The following KCNK2 variants were observed in gnomAD, a reference collection of about 807,000 sequenced individuals.
KCNK2 encodes potassium channel subfamily K member 2.
KCNK2 carries 21 observed loss-of-function variants against 40.5 expected under a neutral mutation model. The observed-to-expected ratio is 0.52, with a 90% CI of 0.37 to 0.75. The LOEUF (loss-of-function observed/expected upper bound fraction) is 0.75, where lower values mean the gene tolerates loss of function less well. KCNK2 is among the 30% of genes least tolerant of loss of function. The pLI is 0.00. For missense variants in KCNK2, 399 were observed against 531.6 expected (o/e 0.75, Z 2.45); for synonymous variants, 191 against 202.2 (o/e 0.94, Z 0.47).
intron 2 of KCNK2, among the ~76,000 whole-genome samples, chr1:215,108,085 C>T (rs1262774073): frequency 1.3e-5 from 2 of 152,014 alleles, no homozygotes; most frequent in South Asian, 4.1e-4. Flanking sequence ...ATTATAGATC[C>T]CTCGCATGTA....
At chr1:215,017,253 G>T (rs961655819) in intron 1 of KCNK2, among the ~76,000 whole-genome samples, 7 of 151,994 alleles carry the variant, frequency 4.6e-5, no homozygotes, top group Non-Finnish European at 8.8e-5. Context: ...ATATCCCAAA[G>T]AAAGAAAATC....
chr1:215,084,540 T>C (rs1302362672), intron 1 of KCNK2, among the ~76,000 whole-genome samples: 1 of 152,144 alleles, frequency 6.6e-6, no homozygotes, highest in Non-Finnish European at 1.5e-5. Flanking sequence ...AGCTAGGAGG[T>C]TGTGGGGAGT....
intron 5 of KCNK2, among the ~76,000 whole-genome samples, chr1:215,186,884 G>C (rs1664460739): frequency 6.6e-6 from 1 of 152,214 alleles, no homozygotes; most frequent in African/African-American, 2.4e-5. Context: ...CTGTTGCTAA[G>C]AGTGGCAAGT....
chr1:215,082,827 C>A lies in KCNK2; in HGVS notation c.-559C>A, dbSNP rs1414598357. Among the ~76,000 whole-genome samples, 2 of 152,100 alleles carry A rather than the reference C, an allele frequency of 1.3e-5. No individual in the cohort carries two copies. Among genetic ancestry groups the A allele is most frequent in the East Asian group, 3.9e-4 (2 of 5,096 alleles). On this transcript the variant is annotated 5_prime_UTR_variant, in exon 1 of 7. Transcript: ENST00000444842. ...GCGGGCGCCCGGACCGTGCCACACA[C>A]CCCCCGCGGGGCACGGAGGGCATTG...
chr1:215,070,114 T>C (rs1221174454), intron 1 of KCNK2, among the ~76,000 whole-genome samples: 2 of 151,984 alleles, frequency 1.3e-5, no homozygotes, highest in Non-Finnish European at 2.9e-5. Flanking sequence ...GTAATTTATA[T>C]AGGAAACAGG....
intron 1 of KCNK2, among the ~76,000 whole-genome samples, chr1:215,049,193 T>C (rs534195312): frequency 3.3e-5 from 5 of 152,342 alleles, no homozygotes; most frequent in Admixed American, 3.3e-4. Flanking sequence ...CTGATAGATA[T>C]ATAGTGGTAA....
intron 3 of KCNK2, among the ~76,000 whole-genome samples, chr1:215,150,578 TACA>T (rs1355866974): frequency 6.6e-6 from 1 of 152,166 alleles, no homozygotes; most frequent in Admixed American, 6.5e-5. Flanking sequence ...GCATATAACT[TACA>T]ACGATTACTT....
At chr1:215,166,391 C>G (rs1430485702) in intron 3 of KCNK2, among the ~76,000 whole-genome samples, 2 of 152,022 alleles carry the variant, frequency 1.3e-5, no homozygotes, top group African/African-American at 4.8e-5. Flanking sequence ...AAATTAAAAG[C>G]AGAAATGGGT....
At chr1:215,088,577 A>G (rs965846783) in intron 2 of KCNK2, among the ~76,000 whole-genome samples, 1 of 107,498 alleles carries the variant, frequency 9.3e-6, no homozygotes, top group Non-Finnish European at 2.1e-5. Context: ...CAGGACAGGA[A>G]AAAAAAAAAA....
chr1:215,225,222 TG>T (rs55750248), intron 6 of KCNK2, among the ~76,000 whole-genome samples: 34,477 of 152,120 alleles, frequency 0.23, 4,489 homozygotes, highest in African/African-American at 0.36. Flanking sequence ...TGTAATCAGT[TG>T]GTAAAAATGC....
chr1:215,066,199 G>A (rs1658534672), intron 1 of KCNK2, among the ~76,000 whole-genome samples: 1 of 152,028 alleles, frequency 6.6e-6, no homozygotes, highest in South Asian at 2.1e-4. Context: ...CACCACTATG[G>A]CACGTGTATA....
Position 215,024,517 on chromosome 1 carries a change from A to G in KCNK2, c.34+18562A>G, listed in dbSNP as rs1656928304. Among the ~76,000 whole-genome samples the G allele has an allele frequency of 2.6e-5, 4 of 152,330 alleles. No individual in the cohort carries two copies. The South Asian group carries it at 8.3e-4, about 32-fold the overall frequency. ...AAAAACACTTCCTCTAGCCCAGGTT[A>G]TTGAAGGAGTAGGCTTAAAGATGTC... On this transcript the variant is annotated intron_variant, in intron 1 of 6. Transcript: ENST00000391895.
At chr1:215,222,654 C>A (rs947251777) in intron 6 of KCNK2, among the ~76,000 whole-genome samples, 1 of 151,414 alleles carries the variant, frequency 6.6e-6, no homozygotes, top group Non-Finnish European at 1.5e-5. Flanking sequence ...ATGAATATTA[C>A]ATATACTTCT....
At chr1:215,223,038 T>G (rs1352172578) in intron 6 of KCNK2, among the ~76,000 whole-genome samples, 2 of 151,784 alleles carry the variant, frequency 1.3e-5, no homozygotes, top group African/African-American at 4.8e-5. Flanking sequence ...AAATACCACC[T>G]CCAAAAGGGA....
chr1:215,065,934 C>T lies in KCNK2; in HGVS notation c.35-20434C>T, dbSNP rs548793938. ...TTGCTTGAGCCTAGAAGTTTGAGTC[C>T]AGCCTGGGCAACATGGTAAGACTGT... is the stretch of plus-strand genomic sequence containing the variant. On this transcript the variant is annotated intron_variant, in intron 1 of 6. Transcript: ENST00000391895. Among the ~76,000 whole-genome samples the T allele has an allele frequency of 9.2e-4, 140 of 152,188 alleles. 1 individual carries two copies. Among genetic ancestry groups the T allele is most frequent in the African/African-American group, 3.3e-3 (137 of 41,524 alleles).
At chr1:215,166,867 A>G (rs1663469484) in intron 3 of KCNK2, among the ~76,000 whole-genome samples, 1 of 152,126 alleles carries the variant, frequency 6.6e-6, no homozygotes, top group Non-Finnish European at 1.5e-5. Context: ...AAGTAAAGAA[A>G]GTGTAGGATT....
chr1:215,150,876 C>T (rs750135203), intron 3 of KCNK2, among the ~76,000 whole-genome samples: 2 of 151,670 alleles, frequency 1.3e-5, no homozygotes, highest in African/African-American at 2.4e-5. Flanking sequence ...ATTATACCTG[C>T]TAGAACTTTC....
chr1:215,202,702 T>C (rs1665130643), intron 6 of KCNK2, among the ~76,000 whole-genome samples: 1 of 152,188 alleles, frequency 6.6e-6, no homozygotes, highest in South Asian at 2.1e-4. Context: ...ACATTGTAAG[T>C]TATTTCCCTT....
intron 6 of KCNK2, among the ~76,000 whole-genome samples, chr1:215,214,182 A>G (rs1665861413): frequency 6.6e-6 from 1 of 152,182 alleles, no homozygotes; most frequent in Non-Finnish European, 1.5e-5. Flanking sequence ...CAAGCTGTAC[A>G]GACGCATGGC....
Sources: gnomAD v4.1 joint callset for allele counts (sites outside exome capture counted in the v4.1 genomes callset) on GRCh38, gnomAD v4.1.1 for gene constraint, MANE v1.5 for transcripts, NCBI Gene and HGNC (gene_info 2026-07-23, HGNC 2026-07-21) for gene names.